RARB: variants seen among roughly 807,000 people sequenced by gnomAD.
RARB encodes the protein HBV-activated protein.
In RARB, 17 loss-of-function variants were observed where a neutral mutation model predicts 51.9. The ratio of observed to expected loss-of-function variants is 0.33; its 90% CI spans 0.22 to 0.49. The LOEUF is 0.49. Ranked by LOEUF, RARB falls within the 20% of genes least tolerant of loss-of-function variation. RARB has a pLI of 0.99. For synonymous variants in RARB, 215 were observed against 195.4 expected (o/e 1.10, Z -0.84); for missense variants, 369 against 550.8 (o/e 0.67, Z 3.30).
At chr3:25,088,244 A>G (rs747339562) in intron 3 of RARB, among the ~76,000 whole-genome samples, 5 of 152,060 alleles carry the variant, frequency 3.3e-5, no homozygotes, top group Admixed American at 6.6e-5. Context: ...TTCTCAATCA[A>G]TCCTCCAGCG....
chr3:25,552,419 A>C (rs1358531549), intron 3 of RARB, among the ~76,000 whole-genome samples: 1 of 151,812 alleles, frequency 6.6e-6, no homozygotes, highest in Admixed American at 6.6e-5. Context: ...AGGGCGGCCA[A>C]TTCTTGCTGA....
At chr3:25,422,490 A>G (rs950125685) in intron 5 of RARB, among the ~76,000 whole-genome samples, 1 of 152,188 alleles carries the variant, frequency 6.6e-6, no homozygotes, top group Non-Finnish European at 1.5e-5. Flanking sequence ...TTGCCATCAT[A>G]TATGGGACTG....
intron 5 of RARB, among the ~76,000 whole-genome samples, chr3:25,398,732 C>T (rs1295213093): frequency 6.6e-6 from 1 of 152,168 alleles, no homozygotes; most frequent in Non-Finnish European, 1.5e-5. Flanking sequence ...GCACATTGTA[C>T]ATTCTACCAT....
rs955347507 is a variant in RARB, at chr3:24,900,994, G to T, written c.-380+42242G>T. Among the ~76,000 whole-genome samples the T allele has an allele frequency of 3.3e-5, 5 of 152,112 alleles. No individual in the cohort carries two copies. The East Asian group carries it at 5.8e-4, about 18-fold the overall frequency. On this transcript the variant is annotated intron_variant, in intron 2 of 11. Transcript: ENST00000383772. Reference sequence around the variant, plus strand: ...GGTAGGTTTCCCATAACGCAACCAGGACTTAAAATATGTTAGAGCCTCATC... The same window carrying T: ...GGTAGGTTTCCCATAACGCAACCAGTACTTAAAATATGTTAGAGCCTCATC...
intron 2 of RARB, among the ~76,000 whole-genome samples, chr3:25,473,665 T>C (rs1404524544): frequency 1.3e-5 from 2 of 152,144 alleles, no homozygotes; most frequent in Admixed American, 1.3e-4. Context: ...GGTGTCTGCT[T>C]CCTTTTCACT....
intron 2 of RARB, among the ~76,000 whole-genome samples, chr3:24,917,945 G>T (rs1045626422): frequency 1.3e-5 from 2 of 152,160 alleles, no homozygotes; most frequent in Non-Finnish European, 2.9e-5. Context: ...CTCATACATT[G>T]CTGATGGAAA....
chr3:25,165,424 A>G (rs773339892), intron 4 of RARB, among the ~76,000 whole-genome samples: 3 of 152,046 alleles, frequency 2.0e-5, no homozygotes, highest in African/African-American at 4.8e-5. Context: ...GATAGGATAG[A>G]TGGGTCAACA....
chr3:24,944,103 G>A (rs986573886), intron 2 of RARB, among the ~76,000 whole-genome samples: 9 of 152,166 alleles, frequency 5.9e-5, no homozygotes, highest in African/African-American at 2.2e-4. Flanking sequence ...ATTGAAGTCT[G>A]ACTCATCCTC....
chr3:24,952,036 T>C (rs776977492), intron 2 of RARB, among the ~76,000 whole-genome samples: 1 of 152,224 alleles, frequency 6.6e-6, no homozygotes, highest in African/African-American at 2.4e-5. Flanking sequence ...TTCAGCTAGA[T>C]GCAAACAATT....
intron 2 of RARB, among the ~76,000 whole-genome samples, chr3:25,482,521 A>ATTTTTTTTTTTTTTTTTTTTTTTTTTT (rs71087718): frequency 3.0e-5 from 2 of 65,752 alleles, no homozygotes; most frequent in African/African-American, 1.4e-4. Context: ...TAGCAGCCAA[A>ATTTTTTTTTTTTTTTTTTTTTTTTTTT]TTTTTTTTTT....
intron 5 of RARB, among the ~76,000 whole-genome samples, chr3:25,247,485 G>A (rs1252436436): frequency 1.3e-5 from 2 of 152,220 alleles, no homozygotes; most frequent in Admixed American, 6.5e-5. Context: ...TCTGTGGGTT[G>A]TGAAGACCCT....
chr3:25,134,170 C>T (rs889974509), intron 4 of RARB, among the ~76,000 whole-genome samples: 3 of 151,814 alleles, frequency 2.0e-5, no homozygotes, highest in Admixed American at 6.6e-5. Flanking sequence ...ACCTGTTGCT[C>T]TTAATGAAAA....
intron 2 of RARB, among the ~76,000 whole-genome samples, chr3:24,952,431 T>C (rs76936845): frequency 0.02 from 3,056 of 152,236 alleles, 99 homozygotes; most frequent in African/African-American, 0.07. Context: ...TTCTAGGTTT[T>C]CCTTTACTAA....
chr3:25,442,794 G>C (rs1365379914), intron 1 of RARB, among the ~76,000 whole-genome samples: 1 of 152,118 alleles, frequency 6.6e-6, no homozygotes, highest in Non-Finnish European at 1.5e-5. Context: ...GCTAAACCAA[G>C]ATTTTTGCAG....
intron 3 of RARB, among the ~76,000 whole-genome samples, chr3:25,543,969 A>G (rs1264332576): frequency 6.6e-6 from 1 of 152,206 alleles, no homozygotes; most frequent in Non-Finnish European, 1.5e-5. Flanking sequence ...TGTAATCATG[A>G]TGTATAAAGA....
At chr3:24,958,769 G>C (rs1488811480) in intron 2 of RARB, among the ~76,000 whole-genome samples, 1 of 152,170 alleles carries the variant, frequency 6.6e-6, no homozygotes, top group African/African-American at 2.4e-5. Flanking sequence ...CTTTGGCCAT[G>C]AAAATAATAT....
intron 4 of RARB, among the ~76,000 whole-genome samples, chr3:25,151,997 CTT>C (rs1700295241): frequency 6.6e-6 from 1 of 151,940 alleles, no homozygotes; most frequent in East Asian, 1.9e-4. Flanking sequence ...TTCCCTCTCT[CTT>C]GAAAAGAAAA....
intron 5 of RARB, among the ~76,000 whole-genome samples, chr3:25,275,355 G>A (rs1233167490): frequency 6.6e-6 from 1 of 152,170 alleles, no homozygotes; most frequent in Non-Finnish European, 1.5e-5. Flanking sequence ...CAGCTACTCG[G>A]GAGGCTGAGG....
intron 4 of RARB, among the ~76,000 whole-genome samples, chr3:25,154,712 C>T (rs1700346485): frequency 6.6e-6 from 1 of 152,234 alleles, no homozygotes; most frequent in East Asian, 1.9e-4. Flanking sequence ...TCTTACTACT[C>T]CCCAGCTCAG....
Sources: gnomAD v4.1 joint callset for allele counts (sites outside exome capture counted in the v4.1 genomes callset) on GRCh38, gnomAD v4.1.1 for gene constraint, MANE v1.5 for transcripts, NCBI Gene and HGNC (gene_info 2026-07-23, HGNC 2026-07-21) for gene names.